Variants in MAP3K7 observed in about 807,000 individuals in gnomAD.
MAP3K7 encodes the protein mitogen-activated protein kinase kinase kinase 7, also known as TGF-beta activated kinase 1.
MAP3K7 carries 21 observed loss-of-function variants against 84.8 expected under a neutral mutation model. The observed-to-expected ratio is 0.25, with a 90% CI of 0.18 to 0.36. The LOEUF is 0.36. Among genes scored for constraint, MAP3K7 ranks in the 10% least tolerant of loss-of-function variants. The pLI, the probability that MAP3K7 is intolerant of heterozygous loss-of-function variation, is 1.00. For missense variants in MAP3K7, 503 were observed against 747.7 expected (o/e 0.67, Z 3.82); for synonymous variants, 241 against 247.7 (o/e 0.97, Z 0.25).
At chr6:90,568,515 A>T in intron 3 of MAP3K7, 43 bp downstream of exon 3, 1 of 1,525,080 alleles carries the variant, frequency 6.6e-7, no homozygotes, top group South Asian at 1.2e-5. Flanking sequence ...CACATCTGCC[A>T]TGTCATTTCT....
At chr6:90,523,657 A>G (rs1454958594) in intron 14 of MAP3K7, 21 bp downstream of exon 14, 2 of 1,517,260 alleles carry the variant, frequency 1.3e-6, no homozygotes, top group African/African-American at 1.4e-5. Context: ...CTTCATAAGT[A>G]TGAAGAAACA....
intron 16 of MAP3K7, among the ~76,000 whole-genome samples, chr6:90,517,565 A>G (rs1217471590): frequency 6.6e-6 from 1 of 151,806 alleles, no homozygotes; most frequent in East Asian, 1.9e-4. Flanking sequence ...ATAAGAAATC[A>G]AGCTTTTTCA....
At chr6:90,538,193 A>G (rs546936869) in intron 12 of MAP3K7, among the ~76,000 whole-genome samples, 10 of 151,964 alleles carry the variant, frequency 6.6e-5, no homozygotes, top group African/African-American at 1.9e-4. Flanking sequence ...TAGTTCAGAC[A>G]AAGCAAAACA....
intron 13 of MAP3K7, among the ~76,000 whole-genome samples, chr6:90,535,461 T>A (rs1255688301): frequency 1.3e-5 from 2 of 151,968 alleles, no homozygotes; most frequent in Admixed American, 6.6e-5. Flanking sequence ...CTTCTTAATA[T>A]GTAACAATTT....
intron 5 of MAP3K7, among the ~76,000 whole-genome samples, chr6:90,558,094 G>A (rs765801831): frequency 6.4e-4 from 97 of 151,972 alleles, no homozygotes; most frequent in Non-Finnish European, 1.2e-3. Flanking sequence ...AGGCTGAGGC[G>A]GGCAGATCAC....
At position 90,514,433 on chromosome 6, in the gene MAP3K7, G is replaced by T. The variant is rs1317617670; in HGVS notation, c.*2068C>A. 6.6e-6 allele frequency: 1 copy of T among 151,930 alleles called. No individual in the cohort carries two copies. Among genetic ancestry groups the T allele is most frequent in the Non-Finnish European group, 1.5e-5 (1 of 67,954 alleles). The allele number at this position is 151,930 out of a possible 1,614,324, so 9.4% of individuals were successfully genotyped here. A position where few individuals can be genotyped will look rare whatever the true frequency, so the allele number is the denominator to read the frequency against. On this transcript the variant is annotated 3_prime_UTR_variant, in exon 17 of 17. Transcript: ENST00000369329. ...CAAGGAACTTACTGTAAACAAACAA[G>T]CAACTGTTCAACAGCCTCTTGCATT...
At chr6:90,533,025 A>C (rs1312800240) in intron 13 of MAP3K7, among the ~76,000 whole-genome samples, 1 of 152,186 alleles carries the variant, frequency 6.6e-6, no homozygotes, top group Non-Finnish European at 1.5e-5. Flanking sequence ...CAGTATAAGG[A>C]AGTAAGAGAC....
intron 13 of MAP3K7, among the ~76,000 whole-genome samples, chr6:90,527,880 T>C (rs1445204324): frequency 1.7e-4 from 2 of 11,702 alleles, no homozygotes; most frequent in Non-Finnish European, 3.9e-4. Context: ...TTTTTTTTTT[T>C]TTTTTTTTTT....
intron 7 of MAP3K7, among the ~76,000 whole-genome samples, chr6:90,552,566 T>A (rs1478167591): frequency 1.3e-5 from 2 of 152,210 alleles, no homozygotes; most frequent in South Asian, 2.1e-4. Flanking sequence ...TAGGCAGACA[T>A]TTGTTTTTAG....
chr6:90,582,455 T>A (rs897890027), intron 1 of MAP3K7, among the ~76,000 whole-genome samples: 1 of 152,172 alleles, frequency 6.6e-6, no homozygotes. Flanking sequence ...AGAGACACAA[T>A]TTCAGTTACT....
chr6:90,544,654 G>A (rs763979573), intron 11 of MAP3K7, 22 bp from the exon 12 acceptor site: 2 of 1,594,946 alleles, frequency 1.3e-6, no homozygotes, highest in Admixed American at 3.3e-5. Flanking sequence ...CATATATACA[G>A]TATACATGCA....
At chr6:90,556,650 CAA>C in intron 5 of MAP3K7, 26 bp from the exon 6 acceptor site, 1 of 1,567,802 alleles carries the variant, frequency 6.4e-7, no homozygotes, top group Admixed American at 2.0e-5. Context: ...CAAAAAACAT[CAA>C]AAGTTACAAG....
intron 13 of MAP3K7, among the ~76,000 whole-genome samples, chr6:90,528,795 A>T (rs947653984): frequency 6.6e-6 from 1 of 152,206 alleles, no homozygotes; most frequent in African/African-American, 2.4e-5. Flanking sequence ...CTTTCCTAAC[A>T]ATTTCAGAGA....
chr6:90,552,601 GC>G (rs1776215853), intron 7 of MAP3K7, among the ~76,000 whole-genome samples: 1 of 152,106 alleles, frequency 6.6e-6, no homozygotes, highest in Admixed American at 6.6e-5. Context: ...GTAAAAAATG[GC>G]CATTAGTCAC....
chr6:90,538,110 G>A (rs1035773599), intron 12 of MAP3K7, among the ~76,000 whole-genome samples: 5 of 151,908 alleles, frequency 3.3e-5, no homozygotes, highest in Admixed American at 3.3e-4. Context: ...TTAAGCTACT[G>A]CATGAATCAA....
rs1407993013 is a variant in MAP3K7, at chr6:90,516,280, T to C, written c.*221A>G. 4 of 571,548 alleles carry C rather than the reference T, an allele frequency of 7.0e-6. No homozygotes were observed. In the East Asian group the frequency reaches 1.2e-4, roughly 17 times the overall value. 35.4% of individuals were successfully genotyped at this position (571,548 alleles called of 1,614,324 possible). On this transcript the variant is annotated 3_prime_UTR_variant, in exon 17 of 17. Transcript: ENST00000369329. Reference sequence around the variant, plus strand: ...TTTGAAGTTGCAAAGTGCTGCTCATTCAAGTCACAGATGCTACCATGTTAT... The same window carrying C: ...TTTGAAGTTGCAAAGTGCTGCTCATCCAAGTCACAGATGCTACCATGTTAT...
chr6:90,541,434 G>A (rs1775852584), intron 12 of MAP3K7, among the ~76,000 whole-genome samples: 1 of 151,926 alleles, frequency 6.6e-6, no homozygotes, highest in Non-Finnish European at 1.5e-5. Context: ...TCAGCAAAAT[G>A]TCACACACTC....
intron 12 of MAP3K7, among the ~76,000 whole-genome samples, chr6:90,541,417 G>C (rs1455159924): frequency 1.3e-5 from 2 of 151,916 alleles, no homozygotes; most frequent in Non-Finnish European, 2.9e-5. Flanking sequence ...TCTCTACAAA[G>C]GAAGAGTCAG....
rs12529622 is a variant in MAP3K7 at position 90,553,196 on chromosome 6, C to T, written c.736+262G>A. ...AAGAGAGAGCCAACTGTCTAGGTTG[C>T]GTACTGATGGCCTTTCCCTAATCAG... On this transcript the variant is annotated intron_variant, in intron 7 of 16. Transcript: ENST00000369329. Among the ~76,000 whole-genome samples, 10,750 of 152,100 alleles carry T rather than the reference C, an allele frequency of 0.071. 375 individuals are homozygous for T. The highest frequency in any genetic ancestry group is 0.092 in the South Asian group (441 of 4,810).
Sources: allele counts gnomAD v4.1 joint callset (sites outside exome capture counted in the v4.1 genomes callset), GRCh38; gene constraint gnomAD v4.1.1; transcripts MANE v1.5; gene names NCBI Gene and HGNC (gene_info 2026-07-23, HGNC 2026-07-21).